Variants in MUC3A observed in about 807,000 individuals in gnomAD.
MUC3A encodes the protein mucin-3A.
MUC3A carries 109 observed loss-of-function variants against 109.0 expected under a neutral mutation model. The observed-to-expected ratio is 1.00, with a 90% CI of 0.86 to 1.17. The LOEUF (loss-of-function observed/expected upper bound fraction) is 1.17. Among genes scored for constraint, MUC3A ranks in the 50% most tolerant of loss-of-function variants. The pLI, the probability that MUC3A is intolerant of heterozygous loss-of-function variation, is 0.00. For missense variants in MUC3A, 3,537 were observed against 2,469.4 expected (o/e 1.43, Z -9.16); for synonymous variants, 1,398 against 981.4 (o/e 1.42, Z -7.93).
At chr7:100,965,432 A>T (rs921099315) in intron 7 of MUC3A, 85 bp downstream of exon 7, 1 of 1,546,756 alleles carries the variant, frequency 6.5e-7, no homozygotes, top group Non-Finnish European at 8.7e-7. Flanking sequence ...GCCTGTGGGC[A>T]GGGAGAGACC....
At position 100,958,914 on chromosome 7, in the gene MUC3A, A is replaced by G. The variant is rs747408530; in HGVS notation, c.7135A>G (p.Ile2379Val). The G allele has an allele frequency of 9.7e-5, 154 of 1,594,012 alleles. No individual in the cohort carries two copies. The highest frequency in any genetic ancestry group is 1.6e-4 in the Middle Eastern group (1 of 6,072). The change falls in exon 2 of 12, where the codon ATC becomes GTC. Residue 2379 changes from isoleucine (I) to valine (V), a missense_variant. By Grantham distance (29) the Ile-to-Val change is conservative. Coordinates refer to ENST00000379458, the MANE Select transcript of MUC3A (RefSeq NM_005960.2). ...SHSTPSFSSS[I>V]TTTETPLHST... The stretch of plus-strand genomic sequence containing the variant: ...CAGTACTCCCAGCTTCAGTTCTTCA[A>G]TCACCACCACTGAGACCCCCTTACA...
At position 100,958,672 on chromosome 7, in the gene MUC3A, A is replaced by C; in HGVS notation, c.6893A>C (p.Lys2298Thr). The change falls in exon 2 of 12, where the codon AAG becomes ACG. Residue 2298 changes from lysine to threonine, a missense_variant. Lys to Thr is a moderately conservative substitution (Grantham distance 78). Transcript: ENST00000379458. ...PSSTSLITTT[K>T]TTSHSTPSFT... is the part of the protein sequence containing the mutation. The stretch of plus-strand genomic sequence containing the variant: ...TCCACTTCTTTAATCACCACCACCA[A>C]GACCACCTCACACAGTACTCCCAGC... 1 of 1,587,440 alleles carries C rather than the reference A, an allele frequency of 6.3e-7. No individual in the cohort carries two copies. The highest frequency in any genetic ancestry group is 1.7e-4 in the Middle Eastern group (1 of 6,000).
chr7:100,965,990 G>A (rs67818529), intron 8 of MUC3A, 124 bp downstream of exon 8: 1 of 1,400,144 alleles, frequency 7.1e-7, no homozygotes. Flanking sequence ...TCCCCAGAGT[G>A]CCGCTCCAAG....
rs865818234 is a variant in MUC3A, at chr7:100,966,415, C to T, written c.9641C>T (p.Ser3214Phe). Reference sequence around the variant, plus strand: ...TACTCCACCGACACGCACTGGTTCTCTGGCCCGCGCTGCGAGGTGGCCGTC... The same window carrying T: ...TACTCCACCGACACGCACTGGTTCTTTGGCCCGCGCTGCGAGGTGGCCGTC... ...RCYSTDTHWF[S>F]GPRCEVAVHW... Residue 3214 changes from serine (S) to phenylalanine (F), a missense_variant, in exon 9 of 12, where the codon TCT (serine) becomes TTT (phenylalanine). Transcript: ENST00000379458. The T allele has an allele frequency of 7.4e-7, 1 of 1,349,434 alleles. No homozygotes were observed. 83.6% of individuals were successfully genotyped at this position (1,349,434 alleles called of 1,614,324 possible).
Position 100,959,716 on chromosome 7 carries a change from C to T in MUC3A, c.7937C>T (p.Pro2646Leu), listed in dbSNP as rs1262547146. The change falls in exon 2 of 12, where the codon CCC (proline) becomes CTC (leucine). Residue 2646 changes from proline to leucine, a missense_variant. Pro to Leu is a moderately conservative substitution (Grantham distance 98). Coordinates refer to ENST00000379458, the MANE Select transcript of MUC3A (RefSeq NM_005960.2). Reference protein sequence around the residue: ...SSTLQTTPSTPSLQTSLTSTS... With the variant: ...SSTLQTTPSTLSLQTSLTSTS... ...ACCCTTCAAACAACTCCTTCTACTC[C>T]CTCATTGCAAACTTCACTCACATCT... The T allele has an allele frequency of 1.3e-6, 2 of 1,598,540 alleles. No homozygotes were observed. The highest frequency in any genetic ancestry group is 1.7e-6 in the Non-Finnish European group (2 of 1,179,818).
At position 100,952,421 on chromosome 7, in the gene MUC3A, C is replaced by T. The variant is rs781252469; in HGVS notation, c.642C>T (p.Thr214=). ...CCTCTGTGTCAGCCACAGACACAAC[C>T]TTCCACACTACAATCTCGTCTACAA... The part of the protein sequence containing the change: ...TPSSVSATDT[T]FHTTISSTTR... Residue 214 remains threonine, a synonymous_variant, in exon 2 of 12, where the codon ACC becomes ACT. Coordinates refer to ENST00000379458, the MANE Select transcript of MUC3A (RefSeq NM_005960.2). 2.4e-5 allele frequency: 38 copies of T among 1,598,454 alleles called. No individual in the cohort carries two copies. In the African/African-American group the frequency reaches 4.0e-4, roughly 17 times the overall value.
chr7:100,961,148 G>C (rs888629202), intron 3 of MUC3A, among the ~76,000 whole-genome samples: 7 of 152,310 alleles, frequency 4.6e-5, no homozygotes, highest in Non-Finnish European at 8.8e-5. Flanking sequence ...CTCCCTCCTG[G>C]GCCCATCTCC....
At chr7:100,964,592 T>A in intron 5 of MUC3A, 103 bp from the exon 6 acceptor site, 1 of 28,322 alleles carries the variant, frequency 3.5e-5, no homozygotes. Context: ...TGACCTCTGC[T>A]CCCTTCCCCC....
intron 1 of MUC3A, among the ~76,000 whole-genome samples, chr7:100,950,739 C>T (rs940169676): frequency 2.0e-5 from 3 of 152,304 alleles, no homozygotes; most frequent in Admixed American, 6.5e-5. Flanking sequence ...AATCCACATG[C>T]TGGGGTTCAT....
Position 100,960,095 on chromosome 7 carries a change from T to C in MUC3A, c.8316T>C (p.Thr2772=), listed in dbSNP as rs1169180772. The change falls in exon 2 of 12, where the codon ACT becomes ACC. Residue 2772 remains threonine (T), a synonymous_variant. Coordinates refer to ENST00000379458, the MANE Select transcript of MUC3A (RefSeq NM_005960.2). ...SLPSTTPCPG[T]ITITIVPASP... is the part of the protein sequence containing the mutation. ...CCTCCACCACACCCTGTCCAGGAACTATAACAATTACCATAGTCCCTGCCT... is the reference window on the plus strand; with the variant it reads ...CCTCCACCACACCCTGTCCAGGAACCATAACAATTACCATAGTCCCTGCCT... 2.6e-6 allele frequency: 4 copies of C among 1,524,678 alleles called. No homozygotes were observed. The highest frequency in any genetic ancestry group is 3.5e-6 in the Non-Finnish European group (4 of 1,145,104). 94.4% of individuals were successfully genotyped at this position (1,524,678 alleles called of 1,614,324 possible). A position where few individuals can be genotyped will look rare whatever the true frequency, so the allele number is the denominator to read the frequency against.
In MUC3A at chr7:100,960,434, C is replaced by G; in HGVS notation, c.8655C>G (p.Gly2885=). 6.3e-7 allele frequency: 1 copy of G among 1,598,584 alleles called. No homozygotes were observed. The highest frequency in any genetic ancestry group is 8.5e-7 in the Non-Finnish European group (1 of 1,179,820). The change falls in exon 2 of 12, where the codon GGC becomes GGG. Residue 2885 remains glycine, a synonymous_variant. Transcript: ENST00000379458. ...CTGTGATCCCCCTACCTCTTCCTGG[C>G]GTCTCTACCATCCCGCTCACCATGA... ...NSSVIPLPLP[G]VSTIPLTMKP...
At chr7:100,966,608 C>G in intron 9 of MUC3A, 44 bp from the exon 10 acceptor site, 1 of 1,597,916 alleles carries the variant, frequency 6.3e-7, no homozygotes. Context: ...CCAAGGGGTC[C>G]CAGGCGGGCC....
In MUC3A at chr7:100,955,400, T is replaced by G; in HGVS notation, c.3621T>G (p.Ser1207=). Residue 1207 remains serine, a synonymous_variant, in exon 2 of 12, where the codon TCT becomes TCG. Transcript: ENST00000379458. ...STTPTTITYP[S]VGSTGFLTTA... ...CACCAACAACTATCACCTACCCTTC[T>G]GTGGGCTCTACCGGTTTCCTGACTA... 1 of 495,404 alleles carries G rather than the reference T, an allele frequency of 2.0e-6. No homozygotes were observed. The highest frequency in any genetic ancestry group is 3.6e-6 in the Non-Finnish European group (1 of 277,320). The allele number at this position is 495,404 out of a possible 1,614,324, so 30.7% of individuals were successfully genotyped here.
intron 5 of MUC3A, chr7:100,964,205 G>T: frequency 4.1e-6 from 1 of 243,282 alleles, no homozygotes; most frequent in Non-Finnish European, 8.0e-6. Flanking sequence ...GGGTAGGCTA[G>T]GCGGGTGGAT....
chr7:100,952,484 C>T lies in MUC3A; in HGVS notation c.705C>T (p.Ser235=). 1 of 1,598,490 alleles carries T rather than the reference C, an allele frequency of 6.3e-7. No individual in the cohort carries two copies. Among genetic ancestry groups the T allele is most frequent in the Non-Finnish European group, 8.5e-7 (1 of 1,179,748 alleles). Residue 235 remains serine (S), a synonymous_variant, in exon 2 of 12, where the codon AGC becomes AGT. Transcript: ENST00000379458. Reference sequence around the variant, plus strand: ...AAAGGACTCCCCTGCCCACTGGAAGCATCCATACAACCACGTCCCCAACCC... The same window carrying T: ...AAAGGACTCCCCTGCCCACTGGAAGTATCCATACAACCACGTCCCCAACCC... The part of the protein sequence containing the change: ...TTERTPLPTG[S]IHTTTSPTPV...
chr7:100,963,761 C>T lies in MUC3A; in HGVS notation c.9233+9C>T. 1 of 1,598,576 alleles carries T rather than the reference C, an allele frequency of 6.3e-7. No individual in the cohort carries two copies. Among genetic ancestry groups the T allele is most frequent in the Non-Finnish European group, 8.5e-7 (1 of 1,179,830 alleles). On this transcript the variant is annotated intron_variant, in intron 5 of 11. Transcript: ENST00000379458. ...GAGATCCTGTCCCTGAGGTAGGAGA[C>T]CCATCTGGGGATGCGGAGGCGGTGT...
chr7:100,956,165 C>A lies in MUC3A; in HGVS notation c.4386C>A (p.Thr1462=). The A allele has an allele frequency of 2.3e-6, 1 of 443,842 alleles. No homozygotes were observed. The highest frequency in any genetic ancestry group is 3.5e-5 in the East Asian group (1 of 28,710). The allele number at this position is 443,842 out of a possible 1,614,324, so 27.5% of individuals were successfully genotyped here. A position where few individuals can be genotyped will look rare whatever the true frequency, so the allele number is the denominator to read the frequency against. ...TITRSTLTSE[T]AYPSSPTSTV... ...CCAGGTCTACACTTACATCTGAGAC[C>A]GCCTACCCTAGTTCTCCCACAAGCA... The change falls in exon 2 of 12, where the codon ACC becomes ACA. Residue 1462 remains threonine (T), a synonymous_variant. Transcript: ENST00000379458.
Position 100,957,219 on chromosome 7 carries a change from A to G in MUC3A, c.5440A>G (p.Thr1814Ala). The change falls in exon 2 of 12, where the codon ACA becomes GCA. Residue 1814 changes from threonine to alanine, a missense_variant. Transcript: ENST00000379458. ...PSTEAITSGT[T>A]NTTPLSTLVT... is the part of the protein sequence containing the mutation. Reference sequence around the variant, plus strand: ...TACAGAAGCGATCACCAGTGGTACCACAAACACCACCCCTCTATCTACATT... The same window carrying G: ...TACAGAAGCGATCACCAGTGGTACCGCAAACACCACCCCTCTATCTACATT... The G allele has an allele frequency of 2.1e-6, 1 of 475,792 alleles. No individual in the cohort carries two copies. Among genetic ancestry groups the G allele is most frequent in the Non-Finnish European group, 3.7e-6 (1 of 273,286 alleles). The allele number at this position is 475,792 out of a possible 1,614,324, so 29.5% of individuals were successfully genotyped here.
intron 5 of MUC3A, chr7:100,964,089 G>A: frequency 8.2e-6 from 4 of 488,034 alleles, no homozygotes; most frequent in Non-Finnish European, 1.1e-5. Flanking sequence ...AAGAGAGAGA[G>A]GGAGAGAACG....
Sources: allele counts gnomAD v4.1 joint callset (sites outside exome capture counted in the v4.1 genomes callset), GRCh38; gene constraint gnomAD v4.1.1; transcripts MANE v1.5; gene names NCBI Gene and HGNC (gene_info 2026-07-23, HGNC 2026-07-21).